LRFN5: variants seen among roughly 807,000 people sequenced by gnomAD.
LRFN5 encodes the protein leucine rich repeat and fibronectin type III domain containing 5.
A neutral mutation model predicts 45.6 loss-of-function variants in LRFN5; 24 were observed. The observed-to-expected ratio is 0.53, with a 90% confidence interval of 0.38 to 0.74. The LOEUF is 0.74. Ranked by LOEUF, LRFN5 falls within the 30% of genes least tolerant of loss-of-function variation. The pLI is 0.00. For synonymous variants in LRFN5, 340 were observed against 313.8 expected (o/e 1.08, Z -0.88); for missense variants, 776 against 861.5 (o/e 0.90, Z 1.24).
At chr14:41,832,574 C>T (rs995894369) in intron 2 of LRFN5, among the ~76,000 whole-genome samples, 2 of 152,120 alleles carry the variant, frequency 1.3e-5, no homozygotes, top group Admixed American at 1.3e-4. Flanking sequence ...TAGGGGTAAT[C>T]ATGAGAGGAG....
intron 4 of LRFN5, chr14:41,893,535 G>A: frequency 1.0e-6 from 1 of 984,906 alleles, no homozygotes; most frequent in Non-Finnish European, 1.2e-6. Flanking sequence ...TAAACACACA[G>A]TAAAAGTTTA....
chr14:41,671,237 C>T (rs1399768232), intron 1 of LRFN5, among the ~76,000 whole-genome samples: 2 of 152,048 alleles, frequency 1.3e-5, no homozygotes, highest in African/African-American at 4.8e-5. Flanking sequence ...ATATCGTAAT[C>T]ATCTAAGATG....
intron 1 of LRFN5, among the ~76,000 whole-genome samples, chr14:41,754,730 T>G (rs1245268681): frequency 1.3e-5 from 2 of 152,180 alleles, no homozygotes; most frequent in South Asian, 2.1e-4. Context: ...CTGGATTCAT[T>G]GATTTTTGAA....
At position 41,772,055 on chromosome 14, in the gene LRFN5, G is replaced by A. The variant is rs560564306; in HGVS notation, c.-21+5026G>A. Among the ~76,000 whole-genome samples, 14 of 152,298 alleles carry A rather than the reference G, an allele frequency of 9.2e-5. No individual in the cohort carries two copies. In the East Asian group the frequency reaches 1.4e-3, roughly 15 times the overall value. On this transcript the variant is annotated intron_variant, in intron 2 of 5. Coordinates refer to ENST00000298119, the MANE Select transcript of LRFN5 (RefSeq NM_152447.5). ...TGGTGAGGGCCTTAGGAAGCTTACC[G>A]TCATGGCAGAAGGCAAAGCAGTACC...
At chr14:41,732,121 C>T (rs1434642231) in intron 1 of LRFN5, among the ~76,000 whole-genome samples, 2 of 152,196 alleles carry the variant, frequency 1.3e-5, no homozygotes, top group Non-Finnish European at 2.9e-5. Context: ...TGATCTTCCA[C>T]TTCAGCTACC....
chr14:41,800,953 G>A lies in LRFN5; in HGVS notation c.-21+33924G>A, dbSNP rs78079955. On this transcript the variant is annotated intron_variant, in intron 2 of 5. Transcript: ENST00000298119. ...CACTTATGAGTCAGATAAAAAGACTGGATATACATATAAATTATTTGTACT... is the reference window on the plus strand; with the variant it reads ...CACTTATGAGTCAGATAAAAAGACTAGATATACATATAAATTATTTGTACT... Among the ~76,000 whole-genome samples, 33 of 152,110 alleles carry A rather than the reference G, an allele frequency of 2.2e-4. No individual in the cohort carries two copies. In the East Asian group the frequency reaches 5.2e-3, roughly 24 times the overall value.
At chr14:41,652,805 CACA>C (rs1880192580) in intron 1 of LRFN5, among the ~76,000 whole-genome samples, 2 of 152,088 alleles carry the variant, frequency 1.3e-5, no homozygotes, top group African/African-American at 4.8e-5. Context: ...CCTTTTTCTC[CACA>C]ACATCACCAG....
chr14:41,767,364 G>A (rs2138883313), intron 2 of LRFN5, among the ~76,000 whole-genome samples: 1 of 152,078 alleles, frequency 6.6e-6, no homozygotes, highest in South Asian at 2.1e-4. Context: ...GAATAAAAAG[G>A]TTCAAAATGA....
chr14:41,758,646 A>C (rs1436620035), intron 1 of LRFN5, among the ~76,000 whole-genome samples: 1 of 152,162 alleles, frequency 6.6e-6, no homozygotes, highest in Admixed American at 6.5e-5. Context: ...CGGTCTAATA[A>C]AATAATGTGT....
At chr14:41,876,408 G>A (rs1890189441) in intron 2 of LRFN5, among the ~76,000 whole-genome samples, 1 of 147,256 alleles carries the variant, frequency 6.8e-6, no homozygotes. Flanking sequence ...AGCCTCCCGA[G>A]TAGCTGGGAC....
At chr14:41,837,527 T>A (rs1888705670) in intron 2 of LRFN5, among the ~76,000 whole-genome samples, 2 of 152,122 alleles carry the variant, frequency 1.3e-5, no homozygotes, top group South Asian at 4.1e-4. Flanking sequence ...AAAAGCAACC[T>A]CTCAGCTGTA....
At chr14:41,853,898 AT>A (rs1406915524) in intron 2 of LRFN5, among the ~76,000 whole-genome samples, 4 of 152,054 alleles carry the variant, frequency 2.6e-5, no homozygotes, top group Non-Finnish European at 5.9e-5. Context: ...AACAACTATG[AT>A]TTACTGGTTT....
intron 2 of LRFN5, among the ~76,000 whole-genome samples, chr14:41,807,412 T>C (rs1214602232): frequency 5.9e-5 from 9 of 152,180 alleles, no homozygotes; most frequent in Non-Finnish European, 1.2e-4. Flanking sequence ...ACAGCATCTA[T>C]ATTTATGTGT....
chr14:41,815,771 T>A (rs905279846), intron 2 of LRFN5, among the ~76,000 whole-genome samples: 2 of 151,720 alleles, frequency 1.3e-5, no homozygotes, highest in African/African-American at 2.4e-5. Flanking sequence ...TATAAATAAA[T>A]AAATAAATAA....
At chr14:41,826,485 A>T (rs1888299341) in intron 2 of LRFN5, among the ~76,000 whole-genome samples, 1 of 152,150 alleles carries the variant, frequency 6.6e-6, no homozygotes, top group Non-Finnish European at 1.5e-5. Context: ...TTTCGTCTGA[A>T]AAGTCATTTA....
At chr14:41,626,156 A>AAATAGT (rs1888324002) in intron 1 of LRFN5, among the ~76,000 whole-genome samples, 1 of 152,090 alleles carries the variant, frequency 6.6e-6, no homozygotes, top group Non-Finnish European at 1.5e-5. Context: ...GTTAATGTAA[A>AAATAGT]AATTCATAGT....
chr14:41,862,082 G>T (rs1044505559), intron 2 of LRFN5, among the ~76,000 whole-genome samples: 5 of 152,174 alleles, frequency 3.3e-5, no homozygotes, highest in Non-Finnish European at 5.9e-5. Context: ...TGTAAGACGT[G>T]CCATGCTTTA....
chr14:41,616,661 A>G (rs934879431), intron 1 of LRFN5, among the ~76,000 whole-genome samples: 2 of 152,190 alleles, frequency 1.3e-5, no homozygotes, highest in Non-Finnish European at 2.9e-5. Flanking sequence ...TTGACTAAGT[A>G]TCCTGGTAGA....
At chr14:41,786,683 T>C (rs1456371355) in intron 2 of LRFN5, among the ~76,000 whole-genome samples, 1 of 152,028 alleles carries the variant, frequency 6.6e-6, no homozygotes, top group Non-Finnish European at 1.5e-5. Flanking sequence ...TTAGCCATTG[T>C]TGCTTCAAAT....
Sources: gnomAD v4.1 joint callset for allele counts (sites outside exome capture counted in the v4.1 genomes callset) on GRCh38, gnomAD v4.1.1 for gene constraint, MANE v1.5 for transcripts, NCBI Gene and HGNC (gene_info 2026-07-23, HGNC 2026-07-21) for gene names.